Variants in SLC18A2 observed in about 807,000 individuals in gnomAD.
SLC18A2 encodes solute carrier family 18 member A2.
SLC18A2 carries 33 observed loss-of-function variants against 59.2 expected under a neutral mutation model. That is an observed-to-expected ratio of 0.56 (90% CI 0.42 to 0.75). SLC18A2 has a LOEUF of 0.75. Ranked by LOEUF, SLC18A2 falls within the 30% of genes least tolerant of loss-of-function variation. SLC18A2 has a pLI of 0.00. For missense variants in SLC18A2, 569 were observed against 668.6 expected (o/e 0.85, Z 1.64); for synonymous variants, 228 against 253.5 (o/e 0.90, Z 0.95).
rs10377 is a variant in SLC18A2, at chr10:117,277,498, A to C, written c.*232A>C. 133,349 of 269,082 alleles carry C rather than the reference A, an allele frequency of 0.5. 34,016 individuals carry two copies. The highest frequency in any genetic ancestry group is 0.57 in the East Asian group (8,731 of 15,276). The allele number at this position is 269,082 out of a possible 1,614,324, so 16.7% of individuals were successfully genotyped here. On this transcript the variant is annotated 3_prime_UTR_variant, in exon 16 of 16. Coordinates refer to ENST00000644641, the MANE Select transcript of SLC18A2 (RefSeq NM_003054.6). ...TGTTGAAACTTTATTTTATGTATTT[A>C]ATTTTATTAAATATCATACAATATA...
At chr10:117,252,719 C>T (rs150995748) in intron 3 of SLC18A2, among the ~76,000 whole-genome samples, 319 of 152,230 alleles carry the variant, frequency 2.1e-3, no homozygotes, top group African/African-American at 7.1e-3. Flanking sequence ...GGGAGGTGGG[C>T]GGTGGTCTCT....
chr10:117,267,534 C>T, intron 12 of SLC18A2, 139 bp from the exon 13 acceptor site: 1 of 577,018 alleles, frequency 1.7e-6, no homozygotes, highest in South Asian at 3.4e-5. Context: ...TCTTCACAAA[C>T]CCCACCCTTC....
At chr10:117,258,300 G>T (rs1844252940) in intron 10 of SLC18A2, among the ~76,000 whole-genome samples, 1 of 152,212 alleles carries the variant, frequency 6.6e-6, no homozygotes, top group Non-Finnish European at 1.5e-5. Flanking sequence ...ATCAAAGTGT[G>T]CTGATTGAGG....
Position 117,255,496 on chromosome 10 carries a change from C to A in SLC18A2, c.808C>A (p.Leu270Ile). The change falls in exon 8 of 16, where the codon CTC (leucine) becomes ATC (isoleucine). Residue 270 changes from leucine to isoleucine, a missense_variant. Transcript: ENST00000644641. ...TTTTTTAGCTATTCAGCTCTTTGTGCTCCAGCCGTCCCGGGTGCAGCCAGA... is the reference window on the plus strand; with the variant it reads ...TTTTTTAGCTATTCAGCTCTTTGTGATCCAGCCGTCCCGGGTGCAGCCAGA... ...LLDGAIQLFV[L>I]QPSRVQPESQ... is the part of the protein sequence containing the mutation. 15 of 1,614,098 alleles carry A rather than the reference C, an allele frequency of 9.3e-6. No homozygotes were observed. Among genetic ancestry groups the A allele is most frequent in the Non-Finnish European group, 1.2e-5 (14 of 1,180,044 alleles).
chr10:117,277,027 T>C (rs1161358753), intron 15 of SLC18A2, 135 bp from the exon 16 acceptor site: 1 of 534,028 alleles, frequency 1.9e-6, no homozygotes, highest in Admixed American at 3.7e-5. Flanking sequence ...CGTCTGGCGA[T>C]TGCTCCAAAT....
chr10:117,264,087 G>T (rs1026520662), intron 10 of SLC18A2, among the ~76,000 whole-genome samples: 1 of 152,196 alleles, frequency 6.6e-6, no homozygotes, highest in South Asian at 2.1e-4. Context: ...TCATCTCCCC[G>T]CAGGCTTCGT....
At chr10:117,268,868 GTGT>G (rs1402217704) in intron 13 of SLC18A2, among the ~76,000 whole-genome samples, 3 of 151,854 alleles carry the variant, frequency 2.0e-5, no homozygotes, top group Admixed American at 6.6e-5. Flanking sequence ...ATGTATGTGT[GTGT>G]TGTGTGTATG....
chr10:117,265,517 A>G (rs2133740996), intron 10 of SLC18A2, among the ~76,000 whole-genome samples: 1 of 152,308 alleles, frequency 6.6e-6, no homozygotes, highest in East Asian at 1.9e-4. Context: ...TCTGATTTCA[A>G]GGAAAAAATA....
rs1232807892 is a variant in SLC18A2 at position 117,254,499 on chromosome 10, T to G, written c.700+2T>G. 1.3e-6 allele frequency: 2 copies of G among 1,598,300 alleles called. No homozygotes were observed. The highest frequency in any genetic ancestry group is 1.7e-6 in the Non-Finnish European group (2 of 1,171,300). ...GAGGCCTGGCCATGGGGGTCTTAGG[T>G]GGGTAAGGCCCCCGTGTAGGCAAAC... is the stretch of plus-strand genomic sequence containing the variant. On this transcript the variant is annotated splice_donor_variant, in intron 6 of 15. Transcript: ENST00000644641. LOFTEE classifies it high-confidence loss of function.
chr10:117,274,621 T>C (rs1410852138), intron 15 of SLC18A2, among the ~76,000 whole-genome samples: 1 of 152,164 alleles, frequency 6.6e-6, no homozygotes, highest in African/African-American at 2.4e-5. Context: ...TCAGCAGACC[T>C]CTGTGGTGGC....
chr10:117,257,319 C>A (rs1338340944), intron 9 of SLC18A2, among the ~76,000 whole-genome samples: 1 of 151,844 alleles, frequency 6.6e-6, no homozygotes, highest in Non-Finnish European at 1.5e-5. Flanking sequence ...CATGCCTGTA[C>A]TGAATGCACC....
intron 12 of SLC18A2, 115 bp downstream of exon 12, chr10:117,267,150 C>T (rs1844358305): frequency 1.3e-6 from 1 of 767,886 alleles, no homozygotes; most frequent in Admixed American, 2.6e-5. Flanking sequence ...TTTATTACAG[C>T]TTTCATTTTA....
At chr10:117,260,194 G>T (rs1478994476) in intron 10 of SLC18A2, among the ~76,000 whole-genome samples, 2 of 152,188 alleles carry the variant, frequency 1.3e-5, no homozygotes, top group African/African-American at 4.8e-5. Context: ...TGCCATTCTG[G>T]TTAATTTCTG....
In SLC18A2 at chr10:117,269,556, G is replaced by A. The variant is rs564878779; in HGVS notation, c.1187-515G>A. Among the ~76,000 whole-genome samples the A allele has an allele frequency of 2.0e-5, 3 of 152,304 alleles. No homozygotes were observed. Among genetic ancestry groups the A allele is most frequent in the South Asian group, 4.1e-4 (2 of 4,822 alleles). On this transcript the variant is annotated intron_variant, in intron 13 of 15. Coordinates refer to ENST00000644641, the MANE Select transcript of SLC18A2 (RefSeq NM_003054.6). The surrounding 1 kb of genome is among the most constrained non-coding windows in gnomAD (Gnocchi z 5.1). Reference sequence around the variant, plus strand: ...CAGACTCCCTGGCTCAGTGAGTGTGGTCAAGCCTCGCCTCTCTGAGTATTG... The same window carrying A: ...CAGACTCCCTGGCTCAGTGAGTGTGATCAAGCCTCGCCTCTCTGAGTATTG...
Position 117,254,514 on chromosome 10 carries a change from T to TGTA in SLC18A2, c.700+19_700+21dup, listed in dbSNP as rs770195845. ...GGGTCTTAGGTGGGTAAGGCCCCCG[T>TGTA]GTAGGCAAACTGGCAAGAGGGGCCT... On this transcript the variant is annotated intron_variant, in intron 6 of 15. Coordinates refer to ENST00000644641, the MANE Select transcript of SLC18A2 (RefSeq NM_003054.6). The TGTA allele has an allele frequency of 6.4e-7, 1 of 1,563,082 alleles. No individual in the cohort carries two copies. Among genetic ancestry groups the TGTA allele is most frequent in the Non-Finnish European group, 8.7e-7 (1 of 1,154,008 alleles).
intron 13 of SLC18A2, 54 bp downstream of exon 13, chr10:117,267,790 G>T: frequency 7.3e-7 from 1 of 1,370,280 alleles, no homozygotes; most frequent in South Asian, 1.3e-5. Context: ...CACTAGGAAG[G>T]GTTCTTCTTC....
At chr10:117,255,161 C>A in intron 6 of SLC18A2, 116 bp from the exon 7 acceptor site, 1 of 979,780 alleles carries the variant, frequency 1.0e-6, no homozygotes, top group South Asian at 1.5e-5. Flanking sequence ...GGGCAGCCAC[C>A]CCAAAGCCTT....
intron 10 of SLC18A2, among the ~76,000 whole-genome samples, chr10:117,264,830 G>A (rs1009977480): frequency 2.0e-5 from 3 of 152,146 alleles, no homozygotes; most frequent in African/African-American, 7.2e-5. Flanking sequence ...GAAGTCCTAC[G>A]ACACAGCTTT....
intron 15 of SLC18A2, among the ~76,000 whole-genome samples, chr10:117,276,918 T>C (rs1181193914): frequency 6.6e-6 from 1 of 152,210 alleles, no homozygotes; most frequent in Non-Finnish European, 1.5e-5. Flanking sequence ...AGTGGACTTA[T>C]GGCCCCTGAC....
Sources: gnomAD v4.1 joint callset for allele counts (sites outside exome capture counted in the v4.1 genomes callset) on GRCh38, gnomAD v4.1.1 for gene constraint, Gnocchi (gnomAD v3.1) non-coding constraint, MANE v1.5 for transcripts, NCBI Gene and HGNC (gene_info 2026-07-23, HGNC 2026-07-21) for gene names.